PIEZO1: variants seen among roughly 807,000 people sequenced by gnomAD.
PIEZO1 encodes the protein piezo-type mechanosensitive ion channel component 1.
A neutral mutation model predicts 297.2 loss-of-function variants in PIEZO1; 296 were observed. That is an observed-to-expected ratio of 1.00 (90% CI 0.91 to 1.10). The LOEUF is 1.10. Among genes scored for constraint, PIEZO1 ranks in the 50% least tolerant of loss-of-function variants. The pLI is 0.00. For synonymous variants in PIEZO1, 2,427 were observed against 1,507.5 expected (o/e 1.61, Z -14.13); for missense variants, 5,018 against 3,455.5 (o/e 1.45, Z -11.34).
chr16:88,719,372 T>C (rs1912264539), intron 44 of PIEZO1: 1 of 587,212 alleles, frequency 1.7e-6, no homozygotes, highest in African/African-American at 1.9e-5. Context: ...CGCTGCCCAC[T>C]TCTGCGCCCA....
intron 1 of PIEZO1, among the ~76,000 whole-genome samples, chr16:88,777,775 G>A (rs547626771): frequency 6.6e-6 from 1 of 152,356 alleles, no homozygotes; most frequent in East Asian, 1.9e-4. Flanking sequence ...GCCTTGGGGG[G>A]TCCAGGAGGT....
chr16:88,734,550 C>A lies in PIEZO1; in HGVS notation c.1998-12G>T. The stretch of plus-strand genomic sequence containing the variant: ...CCAGGTCCCCCAGCCTGTGGAGGGG[C>A]AGCATCAGCACCGGCCCGGCCCCCG... On this transcript the variant is annotated splice_polypyrimidine_tract_variant and intron_variant, in intron 15 of 50. Coordinates refer to ENST00000301015, the MANE Select transcript of PIEZO1 (RefSeq NM_001142864.4). 6.5e-7 allele frequency: 1 copy of A among 1,542,104 alleles called. No homozygotes were observed. Among genetic ancestry groups the A allele is most frequent in the Non-Finnish European group, 8.8e-7 (1 of 1,141,980 alleles).
rs1267858602 is a variant in PIEZO1, at chr16:88,747,240, A to AG, written c.160+2143_160+2144insC. 9.2e-5 allele frequency among the ~76,000 whole-genome samples: 14 copies of AG among 151,982 alleles called. No individual in the cohort carries two copies. The East Asian group carries it at 2.7e-3, about 29-fold the overall frequency. On this transcript the variant is annotated intron_variant, in intron 2 of 50. Coordinates refer to ENST00000301015, the MANE Select transcript of PIEZO1 (RefSeq NM_001142864.4). The stretch of plus-strand genomic sequence containing the variant: ...AGCAAGACCCCCACTCGAAAAAAAA[A>AG]AAAAAAGCCAAGCACGGTAGCTCAT...
intron 5 of PIEZO1, chr16:88,739,984 T>G (rs1352049132): frequency 1.4e-5 from 2 of 147,964 alleles, no homozygotes; most frequent in Non-Finnish European, 3.0e-5. Flanking sequence ...CGGCCCTGAC[T>G]TGGGGTATGA....
Position 88,727,062 on chromosome 16 carries a change from G to C in PIEZO1, c.3432C>G (p.Pro1144=), listed in dbSNP as rs537303503. 4.1e-5 allele frequency: 64 copies of C among 1,549,178 alleles called. 1 individual carries two copies. In the Admixed American group the frequency reaches 1.1e-3, roughly 27 times the overall value. The change falls in exon 24 of 51, where the codon CCC becomes CCG. Residue 1144 remains proline (P), a synonymous_variant. Coordinates refer to ENST00000301015, the MANE Select transcript of PIEZO1 (RefSeq NM_001142864.4). ...ACCTGCAGTGGATAAAGTTGGGCAC[G>C]GGGTTGGGCTCCCCCCGCAGCGGCT... The part of the protein sequence containing the change: ...RLEPLRGEPN[P]VPNFIHCRSY...
chr16:88,715,462 A>G lies in PIEZO1; in HGVS notation c.*143T>C. The G allele has an allele frequency of 1.0e-6, 1 of 994,742 alleles. No individual in the cohort carries two copies. The highest frequency in any genetic ancestry group is 1.5e-6 in the Non-Finnish European group (1 of 682,664). The allele number at this position is 994,742 out of a possible 1,614,324, so 61.6% of individuals were successfully genotyped here. On this transcript the variant is annotated 3_prime_UTR_variant, in exon 51 of 51. Coordinates refer to ENST00000301015, the MANE Select transcript of PIEZO1 (RefSeq NM_001142864.4). ...AGTGTCCTTCTCTGACAGCAGCATC[A>G]GGGCTCAGGCAGGCCGGGAGGATGC...
At position 88,716,584 on chromosome 16, in the gene PIEZO1, G is replaced by A. The variant is rs1469191228; in HGVS notation, c.6901C>T (p.Leu2301=). 19 of 1,547,106 alleles carry A rather than the reference G, an allele frequency of 1.2e-5. No homozygotes were observed. The highest frequency in any genetic ancestry group is 1.7e-5 in the Non-Finnish European group (19 of 1,144,936). The stretch of plus-strand genomic sequence containing the variant: ...CTCTGGAAGTTCCAGGTGAAGCGCA[G>A]GGTGATGTCGGCCGTGCCGTTGTAG... The part of the protein sequence containing the change: ...ELYNGTADIT[L]RFTWNFQRDL... The change falls in exon 47 of 51, where the codon CTG becomes TTG. Residue 2301 remains leucine (L), a synonymous_variant. Coordinates refer to ENST00000301015, the MANE Select transcript of PIEZO1 (RefSeq NM_001142864.4).
At chr16:88,731,538 G>C (rs1468866438) in intron 22 of PIEZO1, 168 bp downstream of exon 22, 6 of 600,362 alleles carry the variant, frequency 1.0e-5, no homozygotes, top group African/African-American at 9.3e-5. Flanking sequence ...CGAGAGACAG[G>C]ATGCAGGTGA....
At chr16:88,720,837 C>CTTGT in intron 39 of PIEZO1, 89 bp from the exon 40 acceptor site, 1 of 1,358,100 alleles carries the variant, frequency 7.4e-7, no homozygotes, top group Non-Finnish European at 9.7e-7. Flanking sequence ...TGGCATTCTC[C>CTTGT]CTGTTTGACA....
At position 88,721,257 on chromosome 16, in the gene PIEZO1, C is replaced by T; in HGVS notation, c.5577G>A (p.Val1859=). The change falls in exon 39 of 51, where the codon GTG becomes GTA. Residue 1859 remains valine, a synonymous_variant. Transcript: ENST00000301015. ...GPTDGTPEPQ[V]ELRPRDTRRI... Reference sequence around the variant, plus strand: ...GCCTCGTATCACGGGGCCTGAGCTCCACTTGGGGTTCTGGGGTCCCGTCCG... The same window carrying T: ...GCCTCGTATCACGGGGCCTGAGCTCTACTTGGGGTTCTGGGGTCCCGTCCG... The T allele has an allele frequency of 6.5e-7, 1 of 1,543,492 alleles. No homozygotes were observed. Among genetic ancestry groups the T allele is most frequent in the Non-Finnish European group, 8.7e-7 (1 of 1,146,482 alleles).
chr16:88,736,848 G>A (rs1440377228), intron 10 of PIEZO1, 109 bp from the exon 11 acceptor site: 5 of 655,628 alleles, frequency 7.6e-6, no homozygotes, highest in South Asian at 5.9e-5. Flanking sequence ...GGAGAGACAG[G>A]CCCCCGGTGG....
Position 88,715,536 on chromosome 16 carries a change from A to G in PIEZO1, c.*69T>C. On this transcript the variant is annotated 3_prime_UTR_variant, in exon 51 of 51. Coordinates refer to ENST00000301015, the MANE Select transcript of PIEZO1 (RefSeq NM_001142864.4). ...GGGCAGTGGCTCCCCCGGCCTGAGG[A>G]GTGCCGCCCCTTGTGGCCACGCTGC... The G allele has an allele frequency of 2.1e-6, 3 of 1,448,778 alleles. No individual in the cohort carries two copies. Among genetic ancestry groups the G allele is most frequent in the Non-Finnish European group, 2.8e-6 (3 of 1,071,918 alleles). The allele number at this position is 1,448,778 out of a possible 1,614,324, so 89.7% of individuals were successfully genotyped here. A position where few individuals can be genotyped will look rare whatever the true frequency, so the allele number is the denominator to read the frequency against.
chr16:88,753,042 CT>C (rs1906470393), intron 1 of PIEZO1, among the ~76,000 whole-genome samples: 2 of 151,848 alleles, frequency 1.3e-5, no homozygotes, highest in African/African-American at 4.8e-5. Context: ...AAGGAAAAGG[CT>C]CAGAGAGGAA....
Position 88,721,253 on chromosome 16 carries a change from G to C in PIEZO1, c.5581C>G (p.Leu1861Val), listed in dbSNP as rs1402929296. 1.3e-6 allele frequency: 2 copies of C among 1,543,064 alleles called. No homozygotes were observed. The highest frequency in any genetic ancestry group is 2.4e-5 in the East Asian group (1 of 40,902). Residue 1861 changes from leucine (L) to valine (V), a missense_variant, in exon 39 of 51, where the codon CTC (leucine) becomes GTC (valine). Leu to Val is a conservative substitution (Grantham distance 32). Coordinates refer to ENST00000301015, the MANE Select transcript of PIEZO1 (RefSeq NM_001142864.4). ...ATGCGCCTCGTATCACGGGGCCTGAGCTCCACTTGGGGTTCTGGGGTCCCG... is the reference window on the plus strand; with the variant it reads ...ATGCGCCTCGTATCACGGGGCCTGACCTCCACTTGGGGTTCTGGGGTCCCG... ...TDGTPEPQVE[L>V]RPRDTRRISL...
chr16:88,746,020 G>C (rs1906034019), intron 2 of PIEZO1, among the ~76,000 whole-genome samples: 2 of 152,178 alleles, frequency 1.3e-5, no homozygotes, highest in South Asian at 4.1e-4. Context: ...GGGGAGTGTG[G>C]AGTTGCCCTG....
At chr16:88,767,795 T>C (rs931484938) in intron 1 of PIEZO1, among the ~76,000 whole-genome samples, 2 of 150,008 alleles carry the variant, frequency 1.3e-5, no homozygotes, top group African/African-American at 4.9e-5. Flanking sequence ...CACCCTGCCC[T>C]GCCCTACAGC....
At chr16:88,747,061 C>G (rs1906099570) in intron 2 of PIEZO1, among the ~76,000 whole-genome samples, 1 of 152,176 alleles carries the variant, frequency 6.6e-6, no homozygotes, top group Non-Finnish European at 1.5e-5. Context: ...TGAATTCTAC[C>G]CATGATCCAA....
intron 37 of PIEZO1, 32 bp downstream of exon 37, chr16:88,721,776 C>G (rs150739508): frequency 2.0e-6 from 3 of 1,535,522 alleles, no homozygotes; most frequent in Non-Finnish European, 2.6e-6. Context: ...CGCGGTGGGC[C>G]GGGCGCCCCC....
intron 1 of PIEZO1, among the ~76,000 whole-genome samples, chr16:88,775,619 C>T: frequency 6.7e-6 from 1 of 149,510 alleles, no homozygotes; most frequent in East Asian, 2.0e-4. Context: ...GTCCTAGCTA[C>T]TTGGGAGGCT....
Sources: gnomAD v4.1 joint callset for allele counts (sites outside exome capture counted in the v4.1 genomes callset) on GRCh38, gnomAD v4.1.1 for gene constraint, MANE v1.5 for transcripts, NCBI Gene and HGNC (gene_info 2026-07-23, HGNC 2026-07-21) for gene names.